PURG: variants seen among roughly 807,000 people sequenced by gnomAD.
The protein encoded by PURG is purine-rich element-binding protein gamma.
Under a neutral mutation model 24.3 loss-of-function variants are expected in PURG, and 3 were observed. The ratio of observed to expected loss-of-function variants is 0.12; its 90% CI spans 0.06 to 0.32. PURG has a LOEUF of 0.32. Ranked by LOEUF, PURG falls within the 10% of genes least tolerant of loss-of-function variation. The probability of loss-of-function intolerance (pLI) is 1.00; values close to 1 mark genes in which losing one functional copy is unlikely to be tolerated. For synonymous variants in PURG, 180 were observed against 173.1 expected, an observed-to-expected ratio of 1.04 and a Z score of -0.31; for missense variants, 371 against 439.1, an observed-to-expected ratio of 0.84 and a Z score of 1.39.
intron 1 of PURG, among the ~76,000 whole-genome samples, chr8:31,023,563 TAATA>T (rs1291608293): frequency 1.3e-5 from 2 of 149,624 alleles, no homozygotes; most frequent in African/African-American, 4.9e-5. Context: ...AAAAAAGTAA[TAATA>T]AATAAATAAA....
Position 31,031,978 on chromosome 8 carries a change from C to T in PURG, c.805G>A (p.Val269Met), listed in dbSNP as rs1811218357. Residue 269 changes from valine to methionine, a missense_variant, in exon 2 of 2, where the codon GTG (valine) becomes ATG (methionine). Transcript: ENST00000523392. The stretch of plus-strand genomic sequence containing the variant: ...TCAAAGTAGAACCTTTTATTGTCCA[C>T]TCTGAAAGAAGTCCCCTCTGGGAGT... The part of the protein sequence containing the change: ...LELPEGTSFR[V>M]DNKRFYFDVG... 9 of 1,614,186 alleles carry T rather than the reference C, an allele frequency of 5.6e-6. No individual in the cohort carries two copies. The highest frequency in any genetic ancestry group is 6.8e-6 in the Non-Finnish European group (8 of 1,180,042).
intron 1 of PURG, among the ~76,000 whole-genome samples, chr8:31,023,284 G>A (rs900564497): frequency 2.6e-5 from 4 of 152,160 alleles, no homozygotes; most frequent in South Asian, 2.1e-4. Flanking sequence ...GAATGTTTCC[G>A]TAATGGAATT....
chr8:31,004,865 T>TCTCCC (rs1182079423), intron 1 of PURG, among the ~76,000 whole-genome samples: 4 of 152,172 alleles, frequency 2.6e-5, no homozygotes, highest in African/African-American at 4.8e-5. Context: ...CATATAACGC[T>TCTCCC]AATTAAGGTG....
At chr8:31,020,795 A>C (rs975497955) in intron 1 of PURG, among the ~76,000 whole-genome samples, 3 of 152,168 alleles carry the variant, frequency 2.0e-5, no homozygotes, top group African/African-American at 4.8e-5. Flanking sequence ...TCTGTAGCTA[A>C]GGTAAAATCT....
intron 1 of PURG, among the ~76,000 whole-genome samples, chr8:30,997,785 C>A (rs1388005845): frequency 6.6e-6 from 1 of 151,672 alleles, no homozygotes; most frequent in Non-Finnish European, 1.5e-5. Context: ...GAGGGTTGAA[C>A]CCTTTTGAAA....
At chr8:31,008,305 T>C (rs1461597588) in intron 1 of PURG, among the ~76,000 whole-genome samples, 3 of 152,186 alleles carry the variant, frequency 2.0e-5, no homozygotes, top group African/African-American at 7.2e-5. Flanking sequence ...GCATTTAACT[T>C]TCTGTTTTTT....
intron 1 of PURG, among the ~76,000 whole-genome samples, chr8:31,024,104 A>G (rs1811049077): frequency 6.6e-6 from 1 of 152,188 alleles, no homozygotes; most frequent in Non-Finnish European, 1.5e-5. Flanking sequence ...TAGTTAGTAT[A>G]CAACAACTTG....
In PURG at chr8:31,030,916, CCA is replaced by C. The variant is rs1811186462; in HGVS notation, c.*821_*822del. 6.6e-6 allele frequency: 1 copy of C among 152,266 alleles called. No homozygotes were observed. The highest frequency in any genetic ancestry group is 1.5e-5 in the Non-Finnish European group (1 of 67,938). 9.4% of individuals were successfully genotyped at this position (152,266 alleles called of 1,614,324 possible). On this transcript the variant is annotated 3_prime_UTR_variant, in exon 2 of 2. Transcript: ENST00000523392. Reference sequence around the variant, plus strand: ...CTTTAAATTAGCATGAAAAGCTACACCACCAAGATTTCCATAGCAAAGCCATT... The same window carrying C: ...CTTTAAATTAGCATGAAAAGCTACACCCAAGATTTCCATAGCAAAGCCATT...
At chr8:31,009,711 C>A (rs995157662) in intron 1 of PURG, among the ~76,000 whole-genome samples, 1 of 152,178 alleles carries the variant, frequency 6.6e-6, no homozygotes, top group Non-Finnish European at 1.5e-5. Context: ...AATGAGAATA[C>A]TGCAGTGCTC....
At chr8:31,006,270 C>T (rs756533528) in intron 1 of PURG, among the ~76,000 whole-genome samples, 5 of 152,138 alleles carry the variant, frequency 3.3e-5, no homozygotes, top group South Asian at 4.1e-4. Flanking sequence ...AATTCATCCA[C>T]GTCATGCCAA....
At chr8:31,018,500 G>T (rs1810916688) in intron 1 of PURG, among the ~76,000 whole-genome samples, 1 of 152,118 alleles carries the variant, frequency 6.6e-6, no homozygotes, top group Non-Finnish European at 1.5e-5. Context: ...AATTTATTCT[G>T]CCTGAAGCCT....
chr8:31,021,227 GATTT>G (rs1340455339), intron 1 of PURG, among the ~76,000 whole-genome samples: 1 of 152,134 alleles, frequency 6.6e-6, no homozygotes, highest in African/African-American at 2.4e-5. Context: ...ATATTGATAA[GATTT>G]ATTTTGAAAC....
intron 1 of PURG, among the ~76,000 whole-genome samples, chr8:30,999,864 A>AGGGG: frequency 6.6e-6 from 1 of 152,044 alleles, no homozygotes; most frequent in South Asian, 2.1e-4. Context: ...TCCAAATACT[A>AGGGG]TATAGTCAAA....
chr8:30,997,220 A>T (rs938001393), intron 1 of PURG, among the ~76,000 whole-genome samples: 1 of 151,958 alleles, frequency 6.6e-6, no homozygotes, highest in South Asian at 2.1e-4. Context: ...AGTTTAAAAA[A>T]ATCCCACTAG....
intron 1 of PURG, among the ~76,000 whole-genome samples, chr8:31,009,558 C>T (rs770621237): frequency 2.6e-5 from 4 of 152,136 alleles, no homozygotes; most frequent in East Asian, 1.9e-4. Context: ...TGTCAGGGAG[C>T]GAAGTCATTT....
At chr8:31,013,966 G>A (rs928886578) in intron 1 of PURG, among the ~76,000 whole-genome samples, 1 of 152,046 alleles carries the variant, frequency 6.6e-6, no homozygotes, top group African/African-American at 2.4e-5. Flanking sequence ...TGAATCAGCT[G>A]CAACACAACT....
intron 1 of PURG, among the ~76,000 whole-genome samples, chr8:31,012,122 T>G (rs1810775268): frequency 6.6e-6 from 1 of 152,200 alleles, no homozygotes; most frequent in African/African-American, 2.4e-5. Context: ...ATCAGCCCAG[T>G]GCAAGGTGGA....
At chr8:31,016,073 C>T (rs545670676) in intron 1 of PURG, among the ~76,000 whole-genome samples, 46 of 151,724 alleles carry the variant, frequency 3.0e-4, no homozygotes, top group East Asian at 1.4e-3. Flanking sequence ...AAACAAACAA[C>T]GACAAAAACA....
chr8:30,997,615 A>G (rs1219485336), intron 1 of PURG, among the ~76,000 whole-genome samples: 1 of 151,744 alleles, frequency 6.6e-6, no homozygotes, highest in African/African-American at 2.4e-5. Context: ...CTTAAAGATA[A>G]GTAAACTTAC....
Sources: allele counts gnomAD v4.1 joint callset (sites outside exome capture counted in the v4.1 genomes callset), GRCh38; gene constraint gnomAD v4.1.1; transcripts MANE v1.5; gene names NCBI Gene and HGNC (gene_info 2026-07-23, HGNC 2026-07-21).